SYNE2: variants seen among roughly 807,000 people sequenced by gnomAD.
SYNE2 encodes spectrin repeat containing nuclear envelope protein 2.
Under a neutral mutation model 856.3 loss-of-function variants are expected in SYNE2, and 431 were observed. The observed-to-expected ratio is 0.50, with a 90% CI of 0.47 to 0.55. SYNE2 has a LOEUF of 0.55. Ranked by LOEUF, SYNE2 falls within the 20% of genes least tolerant of loss-of-function variation. The pLI is 0.00. For missense variants in SYNE2, 8,129 were observed against 8,023.2 expected, an observed-to-expected ratio of 1.01 and a Z score of -0.50; for synonymous variants, 2,923 against 2,872.3, an observed-to-expected ratio of 1.02 and a Z score of -0.56.
rs983528062 is a variant in SYNE2 at position 63,914,210 on chromosome 14, T to C, written c.79+4983T>C. Among the ~76,000 whole-genome samples the C allele has an allele frequency of 6.6e-5, 10 of 152,190 alleles. No homozygotes were observed. In the South Asian group the frequency reaches 1.0e-3, roughly 16 times the overall value. The stretch of plus-strand genomic sequence containing the variant: ...AAAGGTGTGCCCAGGGAACACTTTT[T>C]TGAAGTATTGGATAGATATGATTAT... On this transcript the variant is annotated intron_variant, in intron 2 of 115. Coordinates refer to ENST00000555002, the MANE Select transcript of SYNE2 (RefSeq NM_182914.3).
At chr14:63,768,243 G>GA (rs1240901514) in intron 1 of SYNE2, among the ~76,000 whole-genome samples, 1 of 151,866 alleles carries the variant, frequency 6.6e-6, no homozygotes, top group African/African-American at 2.4e-5. Flanking sequence ...GCCTACAACT[G>GA]AAAGAATTTG....
intron 86 of SYNE2, 89 bp from the exon 87 acceptor site, chr14:64,159,223 T>A: frequency 6.5e-7 from 1 of 1,542,464 alleles, no homozygotes; most frequent in Non-Finnish European, 8.9e-7. Context: ...GTGTTATTGC[T>A]ACATAGTAGC....
chr14:64,204,972 G>A (rs1470361084), intron 100 of SYNE2, among the ~76,000 whole-genome samples: 3 of 152,072 alleles, frequency 2.0e-5, no homozygotes, highest in East Asian at 3.9e-4. Context: ...GCTCACATGC[G>A]CCTTCTTCTG....
In SYNE2 at chr14:64,126,607, C is replaced by T. The variant is rs747106418; in HGVS notation, c.13717C>T (p.Leu4573Phe). The T allele has an allele frequency of 1.9e-6, 3 of 1,614,200 alleles. No individual in the cohort carries two copies. Among genetic ancestry groups the T allele is most frequent in the Non-Finnish European group, 1.7e-6 (2 of 1,180,032 alleles). The change falls in exon 73 of 116, where the codon CTT becomes TTT. Residue 4573 changes from leucine (L) to phenylalanine (F), a missense_variant. Transcript: ENST00000555002. ...GQQVHYETLA[L>F]ELKKLYLALS... ...TTCCTCTCCACTCCAGACGCTGGCTCTTGAGTTGAAGAAACTTTATTTAGC... is the reference window on the plus strand; with the variant it reads ...TTCCTCTCCACTCCAGACGCTGGCTTTTGAGTTGAAGAAACTTTATTTAGC...
At chr14:64,041,751 G>A (rs1289141896) in intron 45 of SYNE2, among the ~76,000 whole-genome samples, 2 of 151,778 alleles carry the variant, frequency 1.3e-5, no homozygotes, top group African/African-American at 4.8e-5. Context: ...TTGGGAGGCT[G>A]AAACAGGAGA....
At chr14:63,911,355 G>A (rs181993187) in intron 2 of SYNE2, among the ~76,000 whole-genome samples, 136 of 152,184 alleles carry the variant, frequency 8.9e-4, no homozygotes, top group Middle Eastern at 3.4e-3. Flanking sequence ...CTGTTCTCCC[G>A]TAGTATCTCT....
intron 1 of SYNE2, among the ~76,000 whole-genome samples, chr14:63,821,144 A>G (rs1473918697): frequency 1.3e-5 from 2 of 152,172 alleles, no homozygotes; most frequent in Non-Finnish European, 2.9e-5. Context: ...TTTATATTAT[A>G]TATGGTTTAT....
chr14:63,939,467 C>G (rs2095876105), intron 2 of SYNE2, among the ~76,000 whole-genome samples: 1 of 151,964 alleles, frequency 6.6e-6, no homozygotes, highest in Non-Finnish European at 1.5e-5. Flanking sequence ...CCGGCCTCAG[C>G]CTCCCAAGTA....
Position 64,101,977 on chromosome 14 carries a change from C to G in SYNE2, c.12427C>G (p.Leu4143Val), listed in dbSNP as rs1457415931. 6 of 1,613,974 alleles carry G rather than the reference C, an allele frequency of 3.7e-6. No homozygotes were observed. In the South Asian group the frequency reaches 5.5e-5, roughly 15 times the overall value. Residue 4143 changes from leucine (L) to valine (V), a missense_variant, in exon 64 of 116, where the codon CTT (leucine) becomes GTT (valine). Physicochemically the swap from Leu to Val is conservative, Grantham distance 32. Transcript: ENST00000555002. ...AEPSPQSWSS[L>V]WKHDKDMEED... is the part of the protein sequence containing the mutation. ...GCCATCGCCTCAGTCTTGGTCTTCA[C>G]TTTGGAAGCATGACAAGGACATGGA...
At chr14:64,069,878 A>T (rs1427591328) in intron 51 of SYNE2, among the ~76,000 whole-genome samples, 1 of 152,210 alleles carries the variant, frequency 6.6e-6, no homozygotes, top group African/African-American at 2.4e-5. Context: ...TAATGTCATG[A>T]CTGCAAGATC....
intron 1 of SYNE2, among the ~76,000 whole-genome samples, chr14:63,806,097 T>C (rs1888351324): frequency 6.6e-6 from 1 of 152,204 alleles, no homozygotes; most frequent in Non-Finnish European, 1.5e-5. Context: ...GCCAGTTCAG[T>C]ATGATGTTGG....
chr14:64,004,375 G>T (rs1403939193), intron 30 of SYNE2, among the ~76,000 whole-genome samples: 1 of 151,826 alleles, frequency 6.6e-6, no homozygotes, highest in East Asian at 1.9e-4. Flanking sequence ...CTGTTGCCCA[G>T]GCTTGGGTGC....
intron 1 of SYNE2, among the ~76,000 whole-genome samples, chr14:63,864,070 C>T (rs932585325): frequency 6.6e-6 from 1 of 152,194 alleles, no homozygotes; most frequent in Non-Finnish European, 1.5e-5. Context: ...GCCTCAGCCT[C>T]CCAAAGTGCT....
chr14:63,776,571 A>C (rs1230705891), intron 1 of SYNE2, among the ~76,000 whole-genome samples: 1 of 151,682 alleles, frequency 6.6e-6, no homozygotes, highest in African/African-American at 2.4e-5. Flanking sequence ...AGATCACCCA[A>C]GACTGGGAAT....
At chr14:63,762,796 T>C (rs547553060) in intron 1 of SYNE2, among the ~76,000 whole-genome samples, 35 of 152,062 alleles carry the variant, frequency 2.3e-4, no homozygotes, top group African/African-American at 7.5e-4. Flanking sequence ...AATGTCATGA[T>C]GCCTGCAACT....
Position 63,998,949 on chromosome 14 carries a change from T to C in SYNE2, c.3389T>C (p.Leu1130Pro). Residue 1130 changes from leucine to proline, a missense_variant, in exon 27 of 116, where the codon CTG becomes CCG. Coordinates refer to ENST00000555002, the MANE Select transcript of SYNE2 (RefSeq NM_182914.3). ...TACAGAGATATTCTTGAACACCACC[T>C]GCAAAACAACAAATTCAGGATTACT... ...DTYRDILEHH[L>P]QNNKFRITSD... 1.2e-6 allele frequency: 2 copies of C among 1,614,090 alleles called. No homozygotes were observed. The highest frequency in any genetic ancestry group is 1.7e-6 in the Non-Finnish European group (2 of 1,179,950).
chr14:63,981,497 CTT>C (rs771790589), intron 16 of SYNE2, among the ~76,000 whole-genome samples: 2 of 152,122 alleles, frequency 1.3e-5, no homozygotes, highest in Non-Finnish European at 2.9e-5. Flanking sequence ...GGAAATAAGA[CTT>C]AATGTACTGG....
chr14:64,114,761 C>A (rs1269850073), intron 66 of SYNE2, among the ~76,000 whole-genome samples: 1 of 151,946 alleles, frequency 6.6e-6, no homozygotes, highest in Non-Finnish European at 1.5e-5. Context: ...GGGACTACAG[C>A]CCTGCACCAC....
intron 1 of SYNE2, among the ~76,000 whole-genome samples, chr14:63,876,527 G>C (rs1366857388): frequency 1.4e-5 from 2 of 141,998 alleles, no homozygotes; most frequent in East Asian, 2.0e-4. Context: ...TCGCTCTGTT[G>C]CCCAGGCTGG....
Sources: gnomAD v4.1 joint callset for allele counts (sites outside exome capture counted in the v4.1 genomes callset) on GRCh38, gnomAD v4.1.1 for gene constraint, MANE v1.5 for transcripts, NCBI Gene and HGNC (gene_info 2026-07-23, HGNC 2026-07-21) for gene names.